The following SCG5 variants were observed in gnomAD, a reference collection of about 807,000 sequenced individuals.
The protein encoded by SCG5 is secretogranin V.
Under a neutral mutation model 25.7 loss-of-function variants are expected in SCG5, and 18 were observed. That is an observed-to-expected ratio of 0.70 (90% CI 0.48 to 1.04). SCG5 has a LOEUF of 1.04. Among genes scored for constraint, SCG5 ranks in the 50% least tolerant of loss-of-function variants. The pLI, the probability that SCG5 is intolerant of heterozygous loss-of-function variation, is 0.00. For synonymous variants in SCG5, 101 were observed against 91.7 expected (o/e 1.10, Z -0.58); for missense variants, 206 against 259.8 (o/e 0.79, Z 1.42).
At chr15:32,671,544 C>A (rs1279391262) in intron 2 of SCG5, among the ~76,000 whole-genome samples, 2 of 152,026 alleles carry the variant, frequency 1.3e-5, no homozygotes, top group Non-Finnish European at 2.9e-5. Flanking sequence ...TTCTTCTTTC[C>A]TGTGGAGACA....
chr15:32,646,661 A>T (rs556728907), intron 2 of SCG5, among the ~76,000 whole-genome samples: 1 of 152,318 alleles, frequency 6.6e-6, no homozygotes, highest in South Asian at 2.1e-4. Context: ...CTAACAAAGA[A>T]AATAGTCCAA....
At position 32,654,901 on chromosome 15, in the gene SCG5, C is replaced by G. The variant is rs541942968; in HGVS notation, c.226+11083C>G. On this transcript the variant is annotated intron_variant, in intron 2 of 5. Coordinates refer to ENST00000300175, the MANE Select transcript of SCG5 (RefSeq NM_001144757.3). ...TGTTATTCCAGTCAAGATTATCCAG[C>G]CTTCGCAACATGTAAATATATCTGG... Among the ~76,000 whole-genome samples, 110 of 152,318 alleles carry G rather than the reference C, an allele frequency of 7.2e-4. 1 individual carries two copies. Among genetic ancestry groups the G allele is most frequent in the African/African-American group, 2.5e-3 (103 of 41,552 alleles).
chr15:32,670,393 G>C (rs2054399350), intron 2 of SCG5, among the ~76,000 whole-genome samples: 1 of 152,228 alleles, frequency 6.6e-6, no homozygotes, highest in Non-Finnish European at 1.5e-5. Flanking sequence ...CCTGAGGCAA[G>C]TCAATGAATT....
In SCG5 at chr15:32,663,057, AT is replaced by A. The variant is rs1400366120; in HGVS notation, c.227-16708del. Among the ~76,000 whole-genome samples, 247 of 69,508 alleles carry A rather than the reference AT, an allele frequency of 3.6e-3. 5 individuals are homozygous for A. The highest frequency in any genetic ancestry group is 0.028 in the East Asian group (96 of 3,408). The allele number at this position is 69,508 out of a possible 152,430, so 45.6% of individuals were successfully genotyped here. On this transcript the variant is annotated intron_variant, in intron 2 of 5. Transcript: ENST00000300175. ...AATATATATATATATATATATATATATATATATATATATATATATATAATAT... is the reference window on the plus strand; with the variant it reads ...AATATATATATATATATATATATATAATATATATATATATATATATAATAT...
chr15:32,686,630 A>G (rs1186592188), intron 4 of SCG5, among the ~76,000 whole-genome samples: 1 of 151,850 alleles, frequency 6.6e-6, no homozygotes, highest in African/African-American at 2.4e-5. Flanking sequence ...TAGATTGCGG[A>G]GGAGTACTGG....
At chr15:32,693,176 A>G (rs2054891786) in intron 5 of SCG5, among the ~76,000 whole-genome samples, 3 of 152,184 alleles carry the variant, frequency 2.0e-5, no homozygotes, top group Admixed American at 2.0e-4. Flanking sequence ...CCCAAAATCA[A>G]TAACTTAGCT....
intron 2 of SCG5, among the ~76,000 whole-genome samples, chr15:32,675,532 G>A (rs1004567750): frequency 2.0e-5 from 3 of 152,178 alleles, no homozygotes; most frequent in African/African-American, 4.8e-5. Flanking sequence ...ATCTTATTAT[G>A]TACTACTGGC....
intron 2 of SCG5, chr15:32,665,817 G>A (rs2054309412): frequency 6.6e-6 from 1 of 152,140 alleles, no homozygotes; most frequent in African/African-American, 2.4e-5. Context: ...GGCTTCTGAT[G>A]TCACCTGCCA....
At chr15:32,680,363 T>C (rs2054598124) in intron 3 of SCG5, among the ~76,000 whole-genome samples, 1 of 150,988 alleles carries the variant, frequency 6.6e-6, no homozygotes, top group African/African-American at 2.4e-5. Flanking sequence ...TCCTGGCTAA[T>C]TTTTTTTTGT....
chr15:32,645,527 A>C lies in SCG5; in HGVS notation c.226+1709A>C, dbSNP rs536816421. ...AGCAGGTGTTTTGATAGATGTACAC[A>C]CAAGCTGCCGCCGTGGAAGCAAACA... On this transcript the variant is annotated intron_variant, in intron 2 of 5. Transcript: ENST00000300175. Among the ~76,000 whole-genome samples, 14 of 152,300 alleles carry C rather than the reference A, an allele frequency of 9.2e-5. 1 individual carries two copies. The South Asian group carries it at 2.9e-3, about 32-fold the overall frequency.
At chr15:32,665,392 C>T (rs4130383) in intron 2 of SCG5, among the ~76,000 whole-genome samples, 31,695 of 151,244 alleles carry the variant, frequency 0.21, 3,477 homozygotes, top group Non-Finnish European at 0.23. Context: ...TTGTTTAAGT[C>T]TCGTTTCTGA....
At position 32,643,716 on chromosome 15, in the gene SCG5, AG is replaced by A; in HGVS notation, c.126del (p.Arg42SerfsTer25). On this transcript the variant is annotated frameshift_variant, in exon 2 of 6. Transcript: ENST00000300175. LOFTEE classifies it high-confidence loss of function. ...CCGGGTCTCAGAAGCAGATATCCAG[AG>A]GCTGCTTCATGGTGTTATGGAGCAA... is the stretch of plus-strand genomic sequence containing the variant. ...PDRVSEADIQRLLHGVMEQLG... is the reference protein window; with the variant it reads ...PDRVSEADIQXLLHGVMEQLG... 6.2e-7 allele frequency: 1 copy of A among 1,613,918 alleles called. No homozygotes were observed. Among genetic ancestry groups the A allele is most frequent in the Non-Finnish European group, 8.5e-7 (1 of 1,179,838 alleles).
intron 2 of SCG5, among the ~76,000 whole-genome samples, chr15:32,647,899 G>C (rs146163448): frequency 6.6e-6 from 1 of 152,164 alleles, no homozygotes; most frequent in African/African-American, 2.4e-5. Context: ...CCAGGGCTCA[G>C]TGCTGGGTCC....
chr15:32,651,648 T>C (rs947288695), intron 2 of SCG5, among the ~76,000 whole-genome samples: 22 of 152,252 alleles, frequency 1.4e-4, no homozygotes, highest in Non-Finnish European at 2.4e-4. Flanking sequence ...GACCGCCCAA[T>C]GGGCCCATGC....
intron 2 of SCG5, 104 bp from the exon 3 acceptor site, chr15:32,679,662 C>A: frequency 7.9e-7 from 1 of 1,263,608 alleles, no homozygotes; most frequent in Non-Finnish European, 1.1e-6. Context: ...TTTCTCTCCC[C>A]ACAGCAGAAG....
intron 2 of SCG5, among the ~76,000 whole-genome samples, chr15:32,648,585 A>C (rs892396949): frequency 1.3e-5 from 2 of 151,918 alleles, no homozygotes; most frequent in African/African-American, 2.4e-5. Context: ...TGTTCCACGC[A>C]TTCTGGCCCT....
intron 1 of SCG5, among the ~76,000 whole-genome samples, chr15:32,643,302 G>A (rs2053894891): frequency 1.3e-5 from 2 of 152,166 alleles, no homozygotes; most frequent in South Asian, 4.1e-4. Flanking sequence ...GAGCTACAAG[G>A]AGGATAAAAA....
intron 3 of SCG5, 28 bp from the exon 4 acceptor site, chr15:32,684,529 T>G: frequency 7.1e-7 from 1 of 1,404,262 alleles, no homozygotes. Context: ...GTCTTGGCCG[T>G]TCCTCAAAAA....
intron 2 of SCG5, among the ~76,000 whole-genome samples, chr15:32,659,809 A>G (rs1263000161): frequency 2.0e-5 from 3 of 152,066 alleles, no homozygotes; most frequent in Non-Finnish European, 4.4e-5. Flanking sequence ...CTTTGCTGTG[A>G]GCTACCTAAG....
Sources: allele counts gnomAD v4.1 joint callset (sites outside exome capture counted in the v4.1 genomes callset), GRCh38; gene constraint gnomAD v4.1.1; transcripts MANE v1.5; gene names NCBI Gene and HGNC (gene_info 2026-07-23, HGNC 2026-07-21).